The following MSL2 variants were observed in gnomAD, a reference collection of about 807,000 sequenced individuals.
MSL2 encodes the protein MSL complex subunit 2.
Under a neutral mutation model 35.8 loss-of-function variants are expected in MSL2, and 2 were observed. That is an observed-to-expected ratio of 0.06 (90% confidence interval 0.02 to 0.18). The LOEUF is 0.18. MSL2 is among the 10% of genes least tolerant of loss of function. The probability of loss-of-function intolerance (pLI) is 1.00; values close to 1 mark genes in which losing one functional copy is unlikely to be tolerated. For missense variants in MSL2, 523 were observed against 706.7 expected, an observed-to-expected ratio of 0.74 and a Z score of 2.95; for synonymous variants, 296 against 255.7, an observed-to-expected ratio of 1.16 and a Z score of -1.50.
At chr3:136,169,580 C>G (rs554260746) in intron 1 of MSL2, among the ~76,000 whole-genome samples, 51 of 152,194 alleles carry the variant, frequency 3.4e-4, no homozygotes, top group Middle Eastern at 6.8e-3. Context: ...TCCTGAGTAA[C>G]TGGGATTACA....
intron 1 of MSL2, among the ~76,000 whole-genome samples, chr3:136,160,374 G>T (rs1261520784): frequency 1.0e-4 from 7 of 70,308 alleles, no homozygotes; most frequent in Non-Finnish European, 2.8e-5. Context: ...AGGGAGGGAG[G>T]GAGATCAAAA....
In MSL2 at chr3:136,172,124, T is replaced by C. The variant is rs758981356; in HGVS notation, c.143-19386A>G. 2.0e-4 allele frequency among the ~76,000 whole-genome samples: 31 copies of C among 152,048 alleles called. 1 individual carries two copies. Among genetic ancestry groups the C allele is most frequent in the Non-Finnish European group, 4.0e-4 (27 of 68,024 alleles). On this transcript the variant is annotated intron_variant, in intron 1 of 1. Transcript: ENST00000309993. ...CCGCACCTGGCCTGTATATTGAAATTTTCTATAAACGTGACAAAATAAAGT... is the reference window on the plus strand; with the variant it reads ...CCGCACCTGGCCTGTATATTGAAATCTTCTATAAACGTGACAAAATAAAGT...
chr3:136,160,959 T>C (rs1032656635), intron 1 of MSL2, among the ~76,000 whole-genome samples: 2 of 149,692 alleles, frequency 1.3e-5, no homozygotes, highest in Admixed American at 1.3e-4. Flanking sequence ...TGGTGGTGCA[T>C]GCCTGTAATC....
chr3:136,183,800 A>G (rs995596615), intron 1 of MSL2, among the ~76,000 whole-genome samples: 2 of 152,244 alleles, frequency 1.3e-5, no homozygotes, highest in African/African-American at 4.8e-5. Flanking sequence ...TTTCAACTCA[A>G]TAACTGACAA....
intron 1 of MSL2, among the ~76,000 whole-genome samples, chr3:136,167,064 GA>G (rs1392342801): frequency 6.6e-6 from 1 of 151,460 alleles, no homozygotes; most frequent in African/African-American, 2.4e-5. Context: ...AGGGGCACAA[GA>G]AAAAAAATAT....
chr3:136,160,249 T>A lies in MSL2; in HGVS notation c.143-7511A>T, dbSNP rs867161492. ...CAAGATGGTGCCAATGCACTCCAGC[T>A]TGGGCGACAGAGAAAGACTCTGTCT... On this transcript the variant is annotated intron_variant, in intron 1 of 1. Coordinates refer to ENST00000309993, the MANE Select transcript of MSL2 (RefSeq NM_018133.4). 9.5e-5 allele frequency among the ~76,000 whole-genome samples: 13 copies of A among 136,516 alleles called. No individual in the cohort carries two copies. The South Asian group carries it at 3.0e-3, about 32-fold the overall frequency. 89.6% of individuals were successfully genotyped at this position (136,516 alleles called of 152,430 possible).
In MSL2 at chr3:136,151,172, G is replaced by A; in HGVS notation, c.1709C>T (p.Ala570Val). The part of the protein sequence containing the change: ...STHDDKSLDE[A>V]IDMRFDC ...TTAACAGTCGAATCTCATGTCTATA[G>A]CTTCATCCAAACTTTTATCATCATG... The change falls in exon 2 of 2, where the codon GCT (alanine) becomes GTT (valine). Residue 570 changes from alanine to valine, a missense_variant. Physicochemically the swap from Ala to Val is moderately conservative, Grantham distance 64. This residue lies in a region of MSL2 where 60 missense variants were observed against 75.1 expected (regional missense o/e 0.80). Coordinates refer to ENST00000309993, the MANE Select transcript of MSL2 (RefSeq NM_018133.4). This position sits in a 1 kb window ranked among gnomAD's most constrained non-coding sequence, Gnocchi z 5.2. 2 of 1,613,888 alleles carry A rather than the reference G, an allele frequency of 1.2e-6. No homozygotes were observed. Among genetic ancestry groups the A allele is most frequent in the South Asian group, 1.1e-5 (1 of 91,080 alleles).
chr3:136,181,997 A>C (rs1333463615), intron 1 of MSL2, among the ~76,000 whole-genome samples: 2 of 152,004 alleles, frequency 1.3e-5, no homozygotes, highest in Non-Finnish European at 2.9e-5. Context: ...AAAATTTTTT[A>C]ATTTAAAATT....
At chr3:136,175,716 G>A (rs368847536) in intron 1 of MSL2, among the ~76,000 whole-genome samples, 1 of 152,080 alleles carries the variant, frequency 6.6e-6, no homozygotes, top group Non-Finnish European at 1.5e-5. Context: ...TCTGAGATAG[G>A]GCCGGAACAA....
At chr3:136,189,025 A>G (rs1940602733) in intron 1 of MSL2, among the ~76,000 whole-genome samples, 1 of 145,942 alleles carries the variant, frequency 6.9e-6, no homozygotes, top group African/African-American at 2.6e-5. Flanking sequence ...ATATTTTAGA[A>G]CTTTTATAGA....
At chr3:136,165,477 T>G (rs948796150) in intron 1 of MSL2, among the ~76,000 whole-genome samples, 35 of 152,184 alleles carry the variant, frequency 2.3e-4, no homozygotes, top group Admixed American at 2.2e-3. Context: ...GGCTAAGACA[T>G]AGTTTTAGGA....
At chr3:136,180,078 A>C (rs1576370979) in intron 1 of MSL2, among the ~76,000 whole-genome samples, 1 of 152,192 alleles carries the variant, frequency 6.6e-6, no homozygotes, top group East Asian at 1.9e-4. Context: ...AAAAAAATAA[A>C]AAATAAAAAT....
intron 1 of MSL2, among the ~76,000 whole-genome samples, chr3:136,164,633 C>A (rs564228034): frequency 6.6e-6 from 1 of 152,076 alleles, no homozygotes; most frequent in African/African-American, 2.4e-5. Flanking sequence ...CTCTAAGAAA[C>A]CCCCCACCTC....
chr3:136,186,704 T>G (rs13068210), intron 1 of MSL2, among the ~76,000 whole-genome samples: 30,065 of 152,174 alleles, frequency 0.2, 3,458 homozygotes, highest in Non-Finnish European at 0.27. Context: ...GAAAACACGC[T>G]CAGGGCTCCC....
intron 1 of MSL2, among the ~76,000 whole-genome samples, chr3:136,166,201 CAACATGG>C (rs1201944507): frequency 1.3e-5 from 2 of 151,310 alleles, no homozygotes; most frequent in African/African-American, 4.9e-5. Context: ...CCAGTCTGGA[CAACATGG>C]TCCAGGCTGT....
At chr3:136,155,805 C>T (rs977217131) in intron 1 of MSL2, 1 of 572,920 alleles carries the variant, frequency 1.7e-6, no homozygotes, top group African/African-American at 1.9e-5. Flanking sequence ...CCCCGTGACA[C>T]CCGGCTGCCC....
intron 1 of MSL2, among the ~76,000 whole-genome samples, chr3:136,165,830 G>A (rs1939830788): frequency 6.6e-6 from 1 of 151,772 alleles, no homozygotes. Flanking sequence ...GCATAACAGG[G>A]TGACTACAGT....
chr3:136,167,902 T>C (rs1939896802), intron 1 of MSL2, among the ~76,000 whole-genome samples: 1 of 152,214 alleles, frequency 6.6e-6, no homozygotes, highest in Non-Finnish European at 1.5e-5. Flanking sequence ...CTATAAAATA[T>C]GTGGCATCCT....
intron 1 of MSL2, among the ~76,000 whole-genome samples, chr3:136,153,420 A>G (rs1939429314): frequency 1.3e-5 from 2 of 152,214 alleles, no homozygotes; most frequent in African/African-American, 2.4e-5. Context: ...AAGTATCTTC[A>G]CAGAAAAAAA....
Sources: allele counts gnomAD v4.1 joint callset (sites outside exome capture counted in the v4.1 genomes callset), GRCh38; gene constraint gnomAD v4.1.1; regional missense constraint gnomAD v4.1.1; non-coding constraint Gnocchi (gnomAD v3.1); transcripts MANE v1.5; gene names NCBI Gene and HGNC (gene_info 2026-07-23, HGNC 2026-07-21).